CDH23: variants seen among roughly 807,000 people sequenced by gnomAD.
The protein encoded by CDH23 is cadherin related 23.
In CDH23, 189 loss-of-function variants were observed where a neutral mutation model predicts 317.1. The ratio of observed to expected loss-of-function variants is 0.60; its 90% confidence interval spans 0.53 to 0.67. The LOEUF (loss-of-function observed/expected upper bound fraction) is 0.67. Among genes scored for constraint, CDH23 ranks in the 30% least tolerant of loss-of-function variants. CDH23 has a pLI of 0.00. For missense variants in CDH23, 4,401 were observed against 4,592.4 expected, an observed-to-expected ratio of 0.96 and a Z score of 1.20; for synonymous variants, 1,839 against 1,876.8, an observed-to-expected ratio of 0.98 and a Z score of 0.52.
chr10:71,722,666 C>T (rs1221094081), intron 28 of CDH23, among the ~76,000 whole-genome samples: 1 of 152,132 alleles, frequency 6.6e-6, no homozygotes, highest in Non-Finnish European at 1.5e-5. Flanking sequence ...GGAGTGGGGG[C>T]TATAATTTCA....
chr10:71,808,069 T>C, intron 60 of CDH23, 62 bp downstream of exon 60: 8 of 1,541,722 alleles, frequency 5.2e-6, no homozygotes, highest in Non-Finnish European at 7.0e-6. Context: ...GCATGGACTG[T>C]CATCTGGGGG....
chr10:71,692,174 G>A (rs1292529804), intron 20 of CDH23, among the ~76,000 whole-genome samples: 1 of 152,186 alleles, frequency 6.6e-6, no homozygotes, highest in Non-Finnish European at 1.5e-5. Flanking sequence ...GAGCCACTGG[G>A]GAGGTTAAGT....
rs1269677802 is a variant in CDH23 at position 71,694,089 on chromosome 10, C to T, written c.2177-58C>T. On this transcript the variant is annotated intron_variant, in intron 20 of 69. Transcript: ENST00000224721. The stretch of plus-strand genomic sequence containing the variant: ...CTTCCCTCGCTCTCTCTCTTCTTCC[C>T]TCCCTCTCTCCCTGGCCCACCCAAA... 1.9e-5 allele frequency: 25 copies of T among 1,299,168 alleles called. No individual in the cohort carries two copies. The East Asian group carries it at 4.4e-4, about 23-fold the overall frequency. The allele number at this position is 1,299,168 out of a possible 1,614,324, so 80.5% of individuals were successfully genotyped here.
At chr10:71,752,269 C>A (rs962642456) in intron 38 of CDH23, among the ~76,000 whole-genome samples, 3 of 152,228 alleles carry the variant, frequency 2.0e-5, no homozygotes, top group Admixed American at 6.5e-5. Context: ...GGGAGGGGTT[C>A]TCTTCTCTTC....
chr10:71,707,803 C>T (rs1865845051), intron 26 of CDH23, among the ~76,000 whole-genome samples: 1 of 152,176 alleles, frequency 6.6e-6, no homozygotes, highest in African/African-American at 2.4e-5. Flanking sequence ...TGCCTACCAA[C>T]ACACATGTTG....
intron 14 of CDH23, among the ~76,000 whole-genome samples, chr10:71,661,783 C>T (rs553578367): frequency 9.7e-6 from 1 of 102,588 alleles, no homozygotes; most frequent in African/African-American, 3.9e-5. Flanking sequence ...TGCGCCCCCT[C>T]CCACCCTGCG....
rs1251638304 is a variant in CDH23, at chr10:71,407,231, G to A, written c.-6+9913G>A. 3.3e-5 allele frequency among the ~76,000 whole-genome samples: 5 copies of A among 152,182 alleles called. No homozygotes were observed. The South Asian group carries it at 6.2e-4, about 19-fold the overall frequency. ...AAACTGAACTCAAGAAAGGACAAAA[G>A]TCCCACCTGGGATCCACAGAGAGGC... On this transcript the variant is annotated intron_variant, in intron 1 of 69. Transcript: ENST00000224721.
At chr10:71,697,821 C>T (rs905911051) in intron 22 of CDH23, among the ~76,000 whole-genome samples, 3 of 152,216 alleles carry the variant, frequency 2.0e-5, no homozygotes, top group African/African-American at 7.2e-5. Context: ...CCCATTGTCA[C>T]CCCTGAGGAG....
chr10:71,740,037 G>A (rs982675048), intron 36 of CDH23, among the ~76,000 whole-genome samples: 1 of 152,208 alleles, frequency 6.6e-6, no homozygotes, highest in Non-Finnish European at 1.5e-5. Context: ...CCAGGAGGAT[G>A]AGGGAGAGCC....
intron 26 of CDH23, 131 bp downstream of exon 26, chr10:71,707,180 T>C (rs1865825525): frequency 8.5e-6 from 13 of 1,529,370 alleles, no homozygotes; most frequent in Non-Finnish European, 1.1e-5. Flanking sequence ...TGTTGGGCTT[T>C]AGCCTCTGGT....
chr10:71,714,340 C>T (rs1485609537), intron 28 of CDH23: 1 of 152,068 alleles, frequency 6.6e-6, no homozygotes, highest in Non-Finnish European at 1.5e-5. Flanking sequence ...ACACAGAAGC[C>T]TCATACTTCT....
rs538405868 is a variant in CDH23 at position 71,775,300 on chromosome 10, G to A, written c.4846-2380G>A. 2.2e-3 allele frequency among the ~76,000 whole-genome samples: 335 copies of A among 152,288 alleles called. 1 individual carries two copies. Among genetic ancestry groups the A allele is most frequent in the African/African-American group, 7.6e-3 (314 of 41,546 alleles). On this transcript the variant is annotated intron_variant, in intron 38 of 69. Transcript: ENST00000224721. ...TCTCAACCCTTCCTGGACTGGCTTTGCTCAGGACACCCTTGAAACCAGACT... is the reference window on the plus strand; with the variant it reads ...TCTCAACCCTTCCTGGACTGGCTTTACTCAGGACACCCTTGAAACCAGACT...
chr10:71,476,087 G>C (rs977467114), intron 3 of CDH23, among the ~76,000 whole-genome samples: 2 of 152,166 alleles, frequency 1.3e-5, no homozygotes, highest in Admixed American at 1.3e-4. Flanking sequence ...GGGAGCTGAG[G>C]ATAACTGTAC....
In CDH23 at chr10:71,615,533, T is replaced by C; in HGVS notation, c.862T>C (p.Tyr288His). Residue 288 changes from tyrosine to histidine, a missense_variant, in exon 10 of 70, where the codon TAC becomes CAC. This residue lies in a region of CDH23 where 3,068 missense variants were observed against 3,203.3 expected (regional missense o/e 0.96). Transcript: ENST00000224721. The stretch of plus-strand genomic sequence containing the variant: ...TACCAACAGCATCTTTGCCCTGGAC[T>C]ACATCAGCGGAGTGCTGACCTTGAA... ...GNTNSIFALD[Y>H]ISGVLTLNGL... The C allele has an allele frequency of 6.2e-7, 1 of 1,613,580 alleles. No homozygotes were observed. The highest frequency in any genetic ancestry group is 8.5e-7 in the Non-Finnish European group (1 of 1,179,714).
At chr10:71,672,479 A>G (rs935683026) in intron 14 of CDH23, among the ~76,000 whole-genome samples, 4 of 152,154 alleles carry the variant, frequency 2.6e-5, no homozygotes, top group Non-Finnish European at 4.4e-5. Flanking sequence ...CTACACTTGA[A>G]AAATGAAGCT....
intron 9 of CDH23, among the ~76,000 whole-genome samples, chr10:71,587,592 G>T (rs1045703806): frequency 6.6e-5 from 10 of 152,246 alleles, no homozygotes; most frequent in Non-Finnish European, 5.9e-5. Flanking sequence ...CATCTAGGAA[G>T]GGGATTTAGG....
intron 22 of CDH23, among the ~76,000 whole-genome samples, chr10:71,700,745 G>A (rs554117743): frequency 9.9e-5 from 15 of 152,258 alleles, no homozygotes; most frequent in Non-Finnish European, 1.5e-4. Context: ...CCTGCCTAGG[G>A]TGCCACAGCA....
At position 71,813,341 on chromosome 10, in the gene CDH23, T is replaced by C; in HGVS notation, c.9731T>C (p.Ile3244Thr). ...AAAGCCTCCTCCTGCCACTCCTCCA[T>C]CTCTGAGGTAGCCGGCTGGGTGGCT... is the stretch of plus-strand genomic sequence containing the variant. ...VQKASSCHSS[I>T]SELIQTELDE... Residue 3244 changes from isoleucine (I) to threonine (T), a missense_variant, in exon 69 of 70, where the codon ATC (isoleucine) becomes ACC (threonine). Coordinates refer to ENST00000224721, the MANE Select transcript of CDH23 (RefSeq NM_022124.6). 6.4e-7 allele frequency: 1 copy of C among 1,551,550 alleles called. No individual in the cohort carries two copies. Among genetic ancestry groups the C allele is most frequent in the Non-Finnish European group, 8.7e-7 (1 of 1,146,924 alleles).
intron 3 of CDH23, among the ~76,000 whole-genome samples, chr10:71,455,061 C>T (rs1850625357): frequency 6.6e-6 from 1 of 152,092 alleles, no homozygotes; most frequent in African/African-American, 2.4e-5. Flanking sequence ...AGCCTAGTCT[C>T]GAACTCCTGG....
Sources: gnomAD v4.1 joint callset for allele counts (sites outside exome capture counted in the v4.1 genomes callset) on GRCh38, gnomAD v4.1.1 for gene constraint, gnomAD v4.1.1 regional missense constraint, MANE v1.5 for transcripts, NCBI Gene and HGNC (gene_info 2026-07-23, HGNC 2026-07-21) for gene names.